Variants in ME3 observed in about 807,000 individuals in gnomAD.
ME3 encodes the protein NADP-dependent malic enzyme, mitochondrial.
Under a neutral mutation model 68.9 loss-of-function variants are expected in ME3, and 48 were observed. The ratio of observed to expected loss-of-function variants is 0.70; its 90% CI spans 0.55 to 0.89. The LOEUF (loss-of-function observed/expected upper bound fraction) is 0.89. Among genes scored for constraint, ME3 ranks in the 40% least tolerant of loss-of-function variants. ME3 has a pLI of 0.00. For synonymous variants in ME3, 320 were observed against 318.8 expected, an observed-to-expected ratio of 1.00 and a Z score of -0.04; for missense variants, 675 against 797.4, an observed-to-expected ratio of 0.85 and a Z score of 1.85.
chr11:86,491,632 T>C (rs571703779), intron 6 of ME3, among the ~76,000 whole-genome samples: 3 of 152,298 alleles, frequency 2.0e-5, no homozygotes, highest in East Asian at 3.9e-4. Context: ...GATTCAGATA[T>C]AAGAATGCCT....
intron 2 of ME3, among the ~76,000 whole-genome samples, chr11:86,563,958 G>C (rs1336965143): frequency 3.3e-5 from 5 of 152,088 alleles, no homozygotes; most frequent in African/African-American, 1.2e-4. Flanking sequence ...ATGGATTTTA[G>C]AATAGCTTTT....
intron 4 of ME3, among the ~76,000 whole-genome samples, chr11:86,527,492 T>G (rs1260374283): frequency 6.6e-6 from 1 of 151,886 alleles, no homozygotes; most frequent in Non-Finnish European, 1.5e-5. Flanking sequence ...AGGTCAACAT[T>G]CAAATTCAGA....
chr11:86,542,780 T>C (rs1299521666), intron 4 of ME3, among the ~76,000 whole-genome samples: 2 of 152,098 alleles, frequency 1.3e-5, no homozygotes, highest in East Asian at 3.9e-4. Flanking sequence ...CAGGCCAACA[T>C]TCAAATACAG....
intron 2 of ME3, among the ~76,000 whole-genome samples, chr11:86,660,909 G>T (rs1395340494): frequency 2.6e-5 from 4 of 152,124 alleles, no homozygotes; most frequent in Admixed American, 2.6e-4. Flanking sequence ...AAATTCTCCA[G>T]TCCCCATGGA....
At chr11:86,473,945 G>A (rs1950919222) in intron 7 of ME3, among the ~76,000 whole-genome samples, 1 of 152,228 alleles carries the variant, frequency 6.6e-6, no homozygotes. Flanking sequence ...CAGAGCCAAT[G>A]AGTGGAAGTC....
At chr11:86,447,234 A>T in intron 11 of ME3, 27 bp from the exon 12 acceptor site, 1 of 1,610,884 alleles carries the variant, frequency 6.2e-7, no homozygotes, top group Non-Finnish European at 8.5e-7. Context: ...GGTAGTGGGG[A>T]TGCCTGCTCT....
At chr11:86,644,610 C>G (rs1741333374) in intron 2 of ME3, among the ~76,000 whole-genome samples, 1 of 152,234 alleles carries the variant, frequency 6.6e-6, no homozygotes, top group African/African-American at 2.4e-5. Flanking sequence ...CTGCCCCAAA[C>G]AGTCTTACTG....
chr11:86,637,284 G>A (rs73526075), intron 2 of ME3, among the ~76,000 whole-genome samples: 14,321 of 149,806 alleles, frequency 0.096, 704 homozygotes, highest in South Asian at 0.13. Flanking sequence ...GAACAATCAC[G>A]GTCCTTGGGA....
chr11:86,613,079 T>C (rs1353178490), intron 2 of ME3, among the ~76,000 whole-genome samples: 1 of 152,216 alleles, frequency 6.6e-6, no homozygotes, highest in East Asian at 1.9e-4. Context: ...CTTGAGTTAA[T>C]TTTTGTAAGG....
intron 7 of ME3, among the ~76,000 whole-genome samples, chr11:86,473,362 T>C (rs567545815): frequency 6.6e-6 from 1 of 152,184 alleles, no homozygotes; most frequent in Admixed American, 6.5e-5. Flanking sequence ...GAGGGAACCA[T>C]CTGGCATGGG....
chr11:86,565,658 G>A (rs1414656495), intron 2 of ME3, among the ~76,000 whole-genome samples: 1 of 152,184 alleles, frequency 6.6e-6, no homozygotes, highest in Admixed American at 6.5e-5. Context: ...GAATTGTATG[G>A]TATGTAAATT....
intron 2 of ME3, among the ~76,000 whole-genome samples, chr11:86,640,347 C>A (rs965854354): frequency 2.6e-5 from 4 of 152,188 alleles, no homozygotes; most frequent in African/African-American, 9.6e-5. Flanking sequence ...GGCTAGGCAG[C>A]CTCTGACTTT....
In ME3 at chr11:86,587,681, G is replaced by A. The variant is rs530237447; in HGVS notation, c.184-27858C>T. ...GACAGTAGAAAAAGCCGTCATTCAC[G>A]GTTTGTGTGAGCAAGCATCCTCCCC... On this transcript the variant is annotated intron_variant, in intron 2 of 14. Coordinates refer to ENST00000543262, the Ensembl canonical transcript of ME3. Among the ~76,000 whole-genome samples, 10 of 152,248 alleles carry A rather than the reference G, an allele frequency of 6.6e-5. No homozygotes were observed. In the East Asian group the frequency reaches 9.6e-4, roughly 15 times the overall value.
rs147670843 is a variant in ME3 at position 86,570,870 on chromosome 11, G to C, written c.184-11047C>G. On this transcript the variant is annotated intron_variant, in intron 2 of 14. Coordinates refer to ENST00000543262, the Ensembl canonical transcript of ME3. Reference sequence around the variant, plus strand: ...GGTGCTGTGCTCACACAGCCAGCATGGGGGAGTGGGAAGGGAACTGGACAA... The same window carrying C: ...GGTGCTGTGCTCACACAGCCAGCATCGGGGAGTGGGAAGGGAACTGGACAA... 1.9e-3 allele frequency among the ~76,000 whole-genome samples: 291 copies of C among 152,240 alleles called. 2 individuals are homozygous for C. Among genetic ancestry groups the C allele is most frequent in the Admixed American group, 3.3e-3 (51 of 15,292 alleles).
chr11:86,451,589 C>G (rs755431743), intron 8 of ME3, among the ~76,000 whole-genome samples: 2 of 152,298 alleles, frequency 1.3e-5, no homozygotes, highest in South Asian at 4.1e-4. Context: ...CAATGCTGAG[C>G]TCCTTATGGG....
chr11:86,653,279 C>A (rs1945598785), intron 2 of ME3, among the ~76,000 whole-genome samples: 1 of 152,200 alleles, frequency 6.6e-6, no homozygotes. Context: ...CACCCCAAAT[C>A]AACAGATTAT....
chr11:86,549,868 G>GAAGTTCCTATCA (rs1956578624), intron 4 of ME3, among the ~76,000 whole-genome samples: 1 of 152,168 alleles, frequency 6.6e-6, no homozygotes, highest in Admixed American at 6.5e-5. Flanking sequence ...AATTTGGCTT[G>GAAGTTCCTATCA]CTGAAGGTTG....
intron 4 of ME3, among the ~76,000 whole-genome samples, chr11:86,555,793 C>T (rs1565946085): frequency 6.6e-6 from 1 of 152,174 alleles, no homozygotes; most frequent in Non-Finnish European, 1.5e-5. Context: ...CTTATAAATT[C>T]TACATAAATG....
intron 7 of ME3, among the ~76,000 whole-genome samples, chr11:86,471,137 A>C (rs1950758524): frequency 3.1e-5 from 4 of 130,634 alleles, no homozygotes; most frequent in Admixed American, 7.9e-5. Context: ...TGTAAGGCCC[A>C]GAGCTTTTTT....
Sources: gnomAD v4.1 joint callset for allele counts (sites outside exome capture counted in the v4.1 genomes callset) on GRCh38, gnomAD v4.1.1 for gene constraint, MANE v1.5 for transcripts, NCBI Gene and HGNC (gene_info 2026-07-23, HGNC 2026-07-21) for gene names.